Variants in PHACTR3 observed in about 807,000 individuals in gnomAD.
PHACTR3 encodes the protein phosphatase and actin regulator 3.
PHACTR3 carries 16 observed loss-of-function variants against 66.8 expected under a neutral mutation model. The ratio of observed to expected loss-of-function variants is 0.24; its 90% CI spans 0.16 to 0.36. The LOEUF is 0.36. Among genes scored for constraint, PHACTR3 ranks in the 10% least tolerant of loss-of-function variants. The probability of loss-of-function intolerance (pLI) is 1.00; values close to 1 mark genes in which losing one functional copy is unlikely to be tolerated. For synonymous variants in PHACTR3, 323 were observed against 292.1 expected, an observed-to-expected ratio of 1.11 and a Z score of -1.08; for missense variants, 647 against 719.9, an observed-to-expected ratio of 0.90 and a Z score of 1.16.
At chr20:59,809,314 G>A (rs1173079076) in intron 8 of PHACTR3, among the ~76,000 whole-genome samples, 2 of 152,154 alleles carry the variant, frequency 1.3e-5, no homozygotes, top group East Asian at 1.9e-4. Flanking sequence ...TCTACCAGCG[G>A]TTGGGACAGC....
At chr20:59,811,085 C>T (rs1245046463) in intron 8 of PHACTR3, among the ~76,000 whole-genome samples, 3 of 152,216 alleles carry the variant, frequency 2.0e-5, no homozygotes, top group Admixed American at 1.3e-4. Context: ...CTATCATCTC[C>T]ATTTTACAGA....
intron 1 of PHACTR3, among the ~76,000 whole-genome samples, chr20:59,719,142 C>A (rs981061869): frequency 6.6e-6 from 1 of 152,076 alleles, no homozygotes; most frequent in African/African-American, 2.4e-5. Flanking sequence ...CATGCTGGGG[C>A]GAAATTCCCT....
chr20:59,682,469 T>C (rs964267562), intron 1 of PHACTR3, among the ~76,000 whole-genome samples: 3 of 152,222 alleles, frequency 2.0e-5, no homozygotes, highest in Non-Finnish European at 4.4e-5. Context: ...CAAAGCCTCC[T>C]GGAGCTTGTG....
intron 1 of PHACTR3, among the ~76,000 whole-genome samples, chr20:59,675,443 G>T (rs1010890128): frequency 6.6e-6 from 1 of 152,068 alleles, no homozygotes; most frequent in African/African-American, 2.4e-5. Flanking sequence ...GTGTCAGGGG[G>T]CAACTACCTC....
intron 1 of PHACTR3, among the ~76,000 whole-genome samples, chr20:59,580,108 C>G (rs977208372): frequency 1.3e-5 from 2 of 152,090 alleles, no homozygotes; most frequent in African/African-American, 4.8e-5. Flanking sequence ...GGGGCTGGCA[C>G]TTAAAGGAGG....
At chr20:59,777,713 G>A (rs983701390) in intron 7 of PHACTR3, among the ~76,000 whole-genome samples, 10 of 152,134 alleles carry the variant, frequency 6.6e-5, no homozygotes, top group African/African-American at 2.4e-4. Context: ...GTCTAATTTT[G>A]TCTGTATGAG....
chr20:59,587,871 T>C (rs2033080738), intron 1 of PHACTR3, among the ~76,000 whole-genome samples: 1 of 152,196 alleles, frequency 6.6e-6, no homozygotes. Context: ...CTGAATCCTC[T>C]CAGCCTTCAA....
rs144446434 is a variant in PHACTR3 at position 59,755,576 on chromosome 20, G to T, written c.541+212G>T. ...TCTCTACTGTCTCTTTCCAAGTCTG[G>T]CACGGCTGATAAGTGAAGGTACTTA... On this transcript the variant is annotated intron_variant, in intron 4 of 12. Transcript: ENST00000371015. 1.6e-3 allele frequency among the ~76,000 whole-genome samples: 241 copies of T among 152,310 alleles called. 2 individuals carry two copies. Among genetic ancestry groups the T allele is most frequent in the African/African-American group, 5.7e-3 (236 of 41,556 alleles).
At chr20:59,601,780 T>TC (rs1396820682), upstream of PHACTR3, among the ~76,000 whole-genome samples, 1 of 152,242 alleles carries the variant, frequency 6.6e-6, no homozygotes, top group Non-Finnish European at 1.5e-5. Context: ...AAGGAAAAGC[T>TC]CCAGCTCTAC....
At chr20:59,841,363 T>G in intron 10 of PHACTR3, 32 bp from the exon 11 acceptor site, 1 of 1,591,562 alleles carries the variant, frequency 6.3e-7, no homozygotes, top group East Asian at 2.3e-5. Flanking sequence ...GTTTGGCATG[T>G]GATACTTAAC....
chr20:59,806,660 C>G (rs1213492933), intron 8 of PHACTR3, among the ~76,000 whole-genome samples: 1 of 152,210 alleles, frequency 6.6e-6, no homozygotes, highest in South Asian at 2.1e-4. Context: ...AGCTACCCCC[C>G]CACCCACATA....
intron 1 of PHACTR3, among the ~76,000 whole-genome samples, chr20:59,668,857 C>T (rs574144424): frequency 1.7e-4 from 23 of 133,382 alleles, no homozygotes; most frequent in African/African-American, 6.3e-4. Flanking sequence ...CCCGTCACCA[C>T]ACACAGCTAA....
At chr20:59,601,342 A>T (rs1209196145), upstream of PHACTR3, among the ~76,000 whole-genome samples, 1 of 152,228 alleles carries the variant, frequency 6.6e-6, no homozygotes, top group Non-Finnish European at 1.5e-5. Context: ...TACAGTTAGG[A>T]TGGACCACAT....
intron 3 of PHACTR3, among the ~76,000 whole-genome samples, chr20:59,751,115 G>A (rs922896635): frequency 2.0e-5 from 3 of 152,218 alleles, no homozygotes; most frequent in Admixed American, 6.5e-5. Flanking sequence ...GGGTAGGCAC[G>A]CAGTGCCGCC....
At chr20:59,732,686 G>A (rs1489513684) in intron 1 of PHACTR3, among the ~76,000 whole-genome samples, 1 of 152,084 alleles carries the variant, frequency 6.6e-6, no homozygotes, top group Non-Finnish European at 1.5e-5. Flanking sequence ...TTCCACTGTC[G>A]GGAGTCAGTG....
chr20:59,578,081 G>A (rs2032765791), intron 1 of PHACTR3, among the ~76,000 whole-genome samples: 1 of 152,254 alleles, frequency 6.6e-6, no homozygotes, highest in Non-Finnish European at 1.5e-5. Flanking sequence ...CCCAGGGAGG[G>A]CCATGGGCCT....
At chr20:59,730,265 G>A (rs1601208627) in intron 1 of PHACTR3, among the ~76,000 whole-genome samples, 1 of 152,182 alleles carries the variant, frequency 6.6e-6, no homozygotes, top group Non-Finnish European at 1.5e-5. Flanking sequence ...TGGGTAGGAA[G>A]GGTGAGACCA....
intron 1 of PHACTR3, among the ~76,000 whole-genome samples, chr20:59,728,259 G>A (rs1293836785): frequency 2.0e-5 from 3 of 152,028 alleles, no homozygotes; most frequent in Non-Finnish European, 2.9e-5. Context: ...ATGATCTTGG[G>A]GGTCATCTGT....
At chr20:59,609,726 C>T (rs73914729) in intron 1 of PHACTR3, among the ~76,000 whole-genome samples, 12 of 152,300 alleles carry the variant, frequency 7.9e-5, no homozygotes, top group Admixed American at 2.0e-4. Context: ...CTTCCTTCCT[C>T]GAATGTTCTC....
Sources: allele counts gnomAD v4.1 joint callset (sites outside exome capture counted in the v4.1 genomes callset), GRCh38; gene constraint gnomAD v4.1.1; transcripts MANE v1.5; gene names NCBI Gene and HGNC (gene_info 2026-07-23, HGNC 2026-07-21).